Variants in KYAT3 observed in about 807,000 individuals in gnomAD.
KYAT3 encodes kynurenine--oxoglutarate transaminase 3.
A neutral mutation model predicts 59.0 loss-of-function variants in KYAT3; 50 were observed. That is an observed-to-expected ratio of 0.85 (90% CI 0.68 to 1.07). The LOEUF (loss-of-function observed/expected upper bound fraction) is 1.07. Among genes scored for constraint, KYAT3 ranks in the 50% least tolerant of loss-of-function variants. KYAT3 has a pLI of 0.00. For synonymous variants in KYAT3, 148 were observed against 177.0 expected (o/e 0.84, Z 1.30); for missense variants, 497 against 533.3 (o/e 0.93, Z 0.67).
At chr1:88,976,356 C>CA (rs113267795) in intron 2 of KYAT3, among the ~76,000 whole-genome samples, 16,754 of 137,154 alleles carry the variant, frequency 0.12, 961 homozygotes, top group Middle Eastern at 0.21. Context: ...GACTCCATCT[C>CA]AAAAAAAAAA....
the KYAT3 span, chr1:88,923,955 T>C: frequency 6.1e-6 from 1 of 163,602 alleles, no homozygotes; most frequent in Non-Finnish European, 1.3e-5. Flanking sequence ...AAGATATTAA[T>C]TTTCTCTTAT....
intron 4 of KYAT3, among the ~76,000 whole-genome samples, chr1:88,966,918 G>A (rs935637974): frequency 6.6e-6 from 1 of 151,972 alleles, no homozygotes; most frequent in African/African-American, 2.4e-5. Flanking sequence ...TTTGTCAGAT[G>A]CATTTTCTAT....
At chr1:88,941,202 T>A (rs1308867105) in intron 13 of KYAT3, among the ~76,000 whole-genome samples, 1 of 152,212 alleles carries the variant, frequency 6.6e-6, no homozygotes. Context: ...CTTTAAAATT[T>A]CAGTCAATTG....
At chr1:88,971,123 C>T (rs1027957903) in intron 2 of KYAT3, among the ~76,000 whole-genome samples, 6 of 152,138 alleles carry the variant, frequency 3.9e-5, no homozygotes, top group African/African-American at 1.4e-4. Context: ...ATCTCTAACA[C>T]AATGTTTAAA....
At chr1:88,989,425 T>A (rs1292675480) in intron 1 of KYAT3, among the ~76,000 whole-genome samples, 1 of 152,214 alleles carries the variant, frequency 6.6e-6, no homozygotes, top group Non-Finnish European at 1.5e-5. Flanking sequence ...GGGCCTCAGT[T>A]TCTCCATTTT....
chr1:88,954,586 C>T (rs1270757249), intron 9 of KYAT3, among the ~76,000 whole-genome samples: 1 of 152,106 alleles, frequency 6.6e-6, no homozygotes, highest in East Asian at 1.9e-4. Context: ...AAAAAGGTGT[C>T]ATTAGTTGAT....
intron 13 of KYAT3, among the ~76,000 whole-genome samples, chr1:88,939,853 TC>T (rs1675171537): frequency 6.6e-6 from 1 of 152,158 alleles, no homozygotes; most frequent in South Asian, 2.1e-4. Context: ...CATTTGATCT[TC>T]TTATAATATC....
chr1:88,927,165 A>C, the KYAT3 span, among the ~76,000 whole-genome samples: 1 of 152,176 alleles, frequency 6.6e-6, no homozygotes, highest in Non-Finnish European at 1.5e-5. Flanking sequence ...GCTCATCAGA[A>C]AATGACTAGG....
chr1:88,942,191 C>CACCATA (rs1675258024), intron 13 of KYAT3, among the ~76,000 whole-genome samples: 6 of 151,726 alleles, frequency 4.0e-5, no homozygotes, highest in Non-Finnish European at 7.4e-5. Context: ...CTGACATCTT[C>CACCATA]AGTACTCTCT....
chr1:88,983,643 C>T (rs761978812), intron 2 of KYAT3: 5 of 1,613,900 alleles, frequency 3.1e-6, no homozygotes, highest in Non-Finnish European at 3.4e-6. Context: ...GCATCCTTAG[C>T]GTCTGCTGGG....
chr1:88,964,759 C>T (rs112266029), intron 5 of KYAT3, 70 bp downstream of exon 5: 42 of 1,205,618 alleles, frequency 3.5e-5, no homozygotes, highest in South Asian at 1.9e-4. Flanking sequence ...AGAATATAAG[C>T]GAAAGATTCA....
intron 9 of KYAT3, among the ~76,000 whole-genome samples, chr1:88,954,841 A>T (rs1361171164): frequency 6.6e-6 from 1 of 152,240 alleles, no homozygotes; most frequent in African/African-American, 2.4e-5. Context: ...AGCTCACAGC[A>T]GCCTCAACTT....
chr1:88,966,702 A>G (rs1444004001), intron 4 of KYAT3, among the ~76,000 whole-genome samples: 2 of 151,966 alleles, frequency 1.3e-5, no homozygotes, highest in Admixed American at 1.3e-4. Flanking sequence ...TTTCTAATCT[A>G]TGTATCTTTA....
At chr1:88,933,138 T>G (rs563966208), downstream of KYAT3, among the ~76,000 whole-genome samples, 2 of 152,350 alleles carry the variant, frequency 1.3e-5, 1 homozygote, top group South Asian at 4.1e-4. Context: ...AATTTGCTTC[T>G]GTAACAGTCA....
At chr1:88,979,903 AC>A (rs1166287876) in intron 2 of KYAT3, 1 of 152,216 alleles carries the variant, frequency 6.6e-6, no homozygotes, top group African/African-American at 2.4e-5. Flanking sequence ...GTAGCCCCAA[AC>A]TGGAAACAAT....
chr1:88,984,031 T>C, intron 2 of KYAT3: 3 of 484,844 alleles, frequency 6.2e-6, no homozygotes, highest in Non-Finnish European at 1.2e-5. Flanking sequence ...TACTTTCTTT[T>C]GCCACTAGAT....
At chr1:88,921,952 C>T in the KYAT3 span, among the ~76,000 whole-genome samples, 2 of 152,182 alleles carry the variant, frequency 1.3e-5, no homozygotes, top group African/African-American at 4.8e-5. Flanking sequence ...CATCAAAAAA[C>T]GTCCCCCTGT....
At chr1:88,965,291 A>T (rs1676304243) in intron 4 of KYAT3, among the ~76,000 whole-genome samples, 1 of 152,196 alleles carries the variant, frequency 6.6e-6, no homozygotes, top group Non-Finnish European at 1.5e-5. Context: ...CAGTAATTAA[A>T]TCATATTGAA....
rs965140628 is a variant in KYAT3, at chr1:88,978,954, G to A, written c.99+9298C>T. 6.6e-5 allele frequency among the ~76,000 whole-genome samples: 10 copies of A among 152,150 alleles called. No homozygotes were observed. In the South Asian group the frequency reaches 1.0e-3, roughly 16 times the overall value. On this transcript the variant is annotated intron_variant, in intron 2 of 13. Transcript: ENST00000260508. ...GCAGGCATGAGCCACCACACCTGGT[G>A]GAGTTGTGATTTTTGCTAAAGGGCA...
Sources: gnomAD v4.1 joint callset for allele counts (sites outside exome capture counted in the v4.1 genomes callset) on GRCh38, gnomAD v4.1.1 for gene constraint, MANE v1.5 for transcripts, NCBI Gene and HGNC (gene_info 2026-07-23, HGNC 2026-07-21) for gene names.